The following RARRES1 variants were observed in gnomAD, a reference collection of about 807,000 sequenced individuals.
RARRES1 encodes the protein retinoic acid receptor responder protein 1.
A neutral mutation model predicts 30.6 loss-of-function variants in RARRES1; 34 were observed. That is an observed-to-expected ratio of 1.11 (90% confidence interval 0.84 to 1.48). The LOEUF is 1.48. Ranked by LOEUF, RARRES1 falls within the 40% of genes most tolerant of loss-of-function variation. The pLI, the probability that RARRES1 is intolerant of heterozygous loss-of-function variation, is 0.00. For synonymous variants in RARRES1, 153 were observed against 155.5 expected (o/e 0.98, Z 0.12); for missense variants, 373 against 386.5 (o/e 0.97, Z 0.29).
chr3:158,706,253 C>G lies in RARRES1; in HGVS notation c.536-1326G>C, dbSNP rs541306282. On this transcript the variant is annotated intron_variant, in intron 3 of 5. Coordinates refer to ENST00000237696, the MANE Select transcript of RARRES1 (RefSeq NM_206963.2). The stretch of plus-strand genomic sequence containing the variant: ...ATGGTGGGGTTATAGTTGATACATT[C>G]CTTAAGAGAGGGAGGATCAGAAAGC... Among the ~76,000 whole-genome samples the G allele has an allele frequency of 1.3e-3, 204 of 152,234 alleles. 3 individuals are homozygous for G. In the South Asian group the frequency reaches 0.023, roughly 17 times the overall value.
In RARRES1 at chr3:158,710,858, GTCTGGGTTTCTGAT is replaced by G; in HGVS notation, c.401_414del (p.Asn134ThrfsTer41). 1 of 1,613,662 alleles carries G rather than the reference GTCTGGGTTTCTGAT, an allele frequency of 6.2e-7. No homozygotes were observed. The highest frequency in any genetic ancestry group is 8.5e-7 in the Non-Finnish European group (1 of 1,179,700). ...CGTGTACAAGTTACATTGATGGTTGGTCTGGGTTTCTGATTCTTGAAAAACACTCGAGCAGAACA... is the reference window on the plus strand; with the variant it reads ...CGTGTACAAGTTACATTGATGGTTGGTCTTGAAAAACACTCGAGCAGAACA... On this transcript the variant is annotated frameshift_variant, in exon 3 of 6. Coordinates refer to ENST00000237696, the MANE Select transcript of RARRES1 (RefSeq NM_206963.2). LOFTEE classifies it high-confidence loss of function.
intron 3 of RARRES1, among the ~76,000 whole-genome samples, chr3:158,705,222 G>A (rs577507602): frequency 3.3e-5 from 5 of 152,228 alleles, no homozygotes; most frequent in African/African-American, 1.2e-4. Flanking sequence ...TGTCCACAAA[G>A]TATCTTGGAC....
rs2108132911 is a variant in RARRES1, at chr3:158,704,797, C to G, written c.666G>C (p.Arg222Ser). Reference sequence around the variant, plus strand: ...ATTTTCAGGTTTTTCTTACCCACTGCCTCACACTAGTGAGCTGTGCCAAGT... The same window carrying G: ...ATTTTCAGGTTTTTCTTACCCACTGGCTCACACTAGTGAGCTGTGCCAAGT... The part of the protein sequence containing the change: ...HYYLAQLTSV[R>S]QWKTNDDTID... Residue 222 changes from arginine (R) to serine (S), a missense_variant, in exon 4 of 6, where the codon AGG becomes AGC. Physicochemically the swap from Arg to Ser is moderately radical, Grantham distance 110. Transcript: ENST00000237696. 1 of 1,612,570 alleles carries G rather than the reference C, an allele frequency of 6.2e-7. No individual in the cohort carries two copies. Among genetic ancestry groups the G allele is most frequent in the South Asian group, 1.1e-5 (1 of 90,566 alleles).
intron 1 of RARRES1, among the ~76,000 whole-genome samples, chr3:158,714,830 C>G (rs1727271517): frequency 6.6e-6 from 1 of 152,158 alleles, no homozygotes; most frequent in Non-Finnish European, 1.5e-5. Flanking sequence ...TAAGGTTGGA[C>G]TCTGGAAACA....
At position 158,732,274 on chromosome 3, in the gene RARRES1, G is replaced by A; in HGVS notation, c.142C>T (p.Gln48Ter). ...CGCGGGACCCCAGCATCCTGAGGCT[G>A]CCCAGGGTCGTCGGGGTCCCCGGAC... The part of the protein sequence containing the change: ...AGSGDPDDPG[Q>*]PQDAGVPRRL... The change falls in exon 1 of 6, where the codon CAG (glutamine) becomes TAG (stop). Residue 48 changes from glutamine (Q) to a stop codon, truncating the protein, a stop_gained. Coordinates refer to ENST00000237696, the MANE Select transcript of RARRES1 (RefSeq NM_206963.2). LOFTEE classifies it high-confidence loss of function. 5 of 1,354,884 alleles carry A rather than the reference G, an allele frequency of 3.7e-6. No individual in the cohort carries two copies. Among genetic ancestry groups the A allele is most frequent in the South Asian group, 3.7e-5 (2 of 53,536 alleles). The allele number at this position is 1,354,884 out of a possible 1,614,324, so 83.9% of individuals were successfully genotyped here.
chr3:158,732,073 G>T lies in RARRES1; in HGVS notation c.276+67C>A, dbSNP rs926639089. Reference sequence around the variant, plus strand: ...TTGGGCCGGCAGGCGCGCGTACCCAGGTGTCACCTCCCAGCGCCGTGCGCG... The same window carrying T: ...TTGGGCCGGCAGGCGCGCGTACCCATGTGTCACCTCCCAGCGCCGTGCGCG... On this transcript the variant is annotated intron_variant, in intron 1 of 5. Transcript: ENST00000237696. The T allele has an allele frequency of 2.3e-4, 296 of 1,261,550 alleles. 2 individuals carry two copies. The East Asian group carries it at 9.3e-3, about 40-fold the overall frequency. 78.1% of individuals were successfully genotyped at this position (1,261,550 alleles called of 1,614,324 possible). A position where few individuals can be genotyped will look rare whatever the true frequency, so the allele number is the denominator to read the frequency against.
chr3:158,719,550 G>C (rs1044121721), intron 1 of RARRES1, among the ~76,000 whole-genome samples: 1 of 152,118 alleles, frequency 6.6e-6, no homozygotes, highest in African/African-American at 2.4e-5. Flanking sequence ...GGGATTACAG[G>C]CTTGAGCCAC....
intron 1 of RARRES1, among the ~76,000 whole-genome samples, chr3:158,720,264 G>C (rs368745888): frequency 1.3e-5 from 1 of 78,926 alleles, no homozygotes; most frequent in East Asian, 3.1e-4. Flanking sequence ...GTGTGTGTGT[G>C]TATGTGTGTG....
chr3:158,698,026 C>A, intron 4 of RARRES1, 56 bp from the exon 5 acceptor site: 1 of 1,214,272 alleles, frequency 8.2e-7, no homozygotes, highest in Non-Finnish European at 1.2e-6. Flanking sequence ...AGTGTAATAA[C>A]TATACAATAC....
chr3:158,710,551 G>T (rs1006648291), intron 3 of RARRES1, among the ~76,000 whole-genome samples, 187 bp downstream of exon 3: 1 of 152,170 alleles, frequency 6.6e-6, no homozygotes, highest in African/African-American at 2.4e-5. Context: ...TGGAGTTACT[G>T]TGTTGGATTA....
intron 3 of RARRES1, among the ~76,000 whole-genome samples, chr3:158,710,044 A>C (rs572454248): frequency 7.2e-5 from 11 of 152,286 alleles, no homozygotes; most frequent in East Asian, 3.9e-4. Flanking sequence ...CTGTCGCCTA[A>C]AGTTTCCAAA....
At chr3:158,702,228 C>T (rs1427203277) in intron 4 of RARRES1, among the ~76,000 whole-genome samples, 1 of 152,056 alleles carries the variant, frequency 6.6e-6, no homozygotes, top group Non-Finnish European at 1.5e-5. Flanking sequence ...TTAGTAGAGA[C>T]AGGGTTTCAC....
rs376600201 is a variant in RARRES1, at chr3:158,712,226, G to T, written c.340-1293C>A. 4.6e-5 allele frequency among the ~76,000 whole-genome samples: 7 copies of T among 152,218 alleles called. No homozygotes were observed. In the East Asian group the frequency reaches 1.4e-3, roughly 29 times the overall value. On this transcript the variant is annotated intron_variant, in intron 2 of 5. Transcript: ENST00000237696. Reference sequence around the variant, plus strand: ...TTTTACTTTTGTGGTTGTTTAAACTGGGTGAAGTCCCAGTGAAAACAACTA... The same window carrying T: ...TTTTACTTTTGTGGTTGTTTAAACTTGGTGAAGTCCCAGTGAAAACAACTA...
intron 1 of RARRES1, among the ~76,000 whole-genome samples, chr3:158,730,769 A>ATTATT (rs967657495): frequency 1.8e-4 from 25 of 138,280 alleles, no homozygotes; most frequent in African/African-American, 6.5e-4. Flanking sequence ...CTTTTTCTTT[A>ATTATT]TTATTTTATT....
At chr3:158,724,526 G>GTC (rs1181989997) in intron 1 of RARRES1, among the ~76,000 whole-genome samples, 26 of 152,234 alleles carry the variant, frequency 1.7e-4, no homozygotes, top group Non-Finnish European at 3.2e-4. Context: ...AGCACAGGTG[G>GTC]TCTCTAGAAG....
At chr3:158,698,570 G>A (rs1261478901) in intron 4 of RARRES1, among the ~76,000 whole-genome samples, 1 of 152,030 alleles carries the variant, frequency 6.6e-6, no homozygotes, top group Non-Finnish European at 1.5e-5. Context: ...CCAGTGCATT[G>A]GATATTTTTC....
chr3:158,721,516 G>T (rs770830022), intron 1 of RARRES1, among the ~76,000 whole-genome samples: 13 of 152,190 alleles, frequency 8.5e-5, no homozygotes, highest in Non-Finnish European at 1.5e-4. Context: ...AAGGGTTGCA[G>T]GTAGGAAGTG....
chr3:158,729,600 C>A (rs1440441595), intron 1 of RARRES1, among the ~76,000 whole-genome samples: 1 of 152,064 alleles, frequency 6.6e-6, no homozygotes, highest in Non-Finnish European at 1.5e-5. Flanking sequence ...CAGGTGCCTG[C>A]CACCATGCCC....
intron 4 of RARRES1, 185 bp from the exon 5 acceptor site, chr3:158,698,155 C>T: frequency 1.8e-6 from 1 of 561,972 alleles, no homozygotes. Flanking sequence ...TTTGTCTTGT[C>T]ACTGAGTTAT....
Sources: allele counts gnomAD v4.1 joint callset (sites outside exome capture counted in the v4.1 genomes callset), GRCh38; gene constraint gnomAD v4.1.1; transcripts MANE v1.5; gene names NCBI Gene and HGNC (gene_info 2026-07-23, HGNC 2026-07-21).